SLC35A1: variants seen among roughly 807,000 people sequenced by gnomAD.
SLC35A1 encodes the protein CMP-sialic acid transporter.
In SLC35A1, 21 loss-of-function variants were observed where a neutral mutation model predicts 40.3. That is an observed-to-expected ratio of 0.52 (90% confidence interval 0.37 to 0.75). The LOEUF is 0.75. Among genes scored for constraint, SLC35A1 ranks in the 30% least tolerant of loss-of-function variants. The pLI, the probability that SLC35A1 is intolerant of heterozygous loss-of-function variation, is 0.00. For synonymous variants in SLC35A1, 146 were observed against 147.3 expected (o/e 0.99, Z 0.06); for missense variants, 297 against 382.1 (o/e 0.78, Z 1.86).
At chr6:87,492,963 A>G (rs2127970166) in intron 2 of SLC35A1, among the ~76,000 whole-genome samples, 1 of 152,214 alleles carries the variant, frequency 6.6e-6, no homozygotes, top group South Asian at 2.1e-4. Flanking sequence ...AGACGAGATA[A>G]ATATTCTCTT....
intron 2 of SLC35A1, among the ~76,000 whole-genome samples, chr6:87,492,541 CTTGATT>C (rs1474337126): frequency 7.7e-6 from 1 of 129,064 alleles, no homozygotes; most frequent in African/African-American, 3.0e-5. Context: ...GGTAATTTAT[CTTGATT>C]TTTTTTTTTT....
chr6:87,492,269 G>A (rs1769576126), intron 2 of SLC35A1, among the ~76,000 whole-genome samples: 1 of 151,936 alleles, frequency 6.6e-6, no homozygotes, highest in Admixed American at 6.6e-5. Context: ...ATTTTTCTTG[G>A]ACTTCAGTCC....
chr6:87,501,432 C>A (rs1273700465), intron 4 of SLC35A1, 122 bp downstream of exon 4: 1 of 1,050,722 alleles, frequency 9.5e-7, no homozygotes, highest in Non-Finnish European at 1.4e-6. Flanking sequence ...ATAACTTTTG[C>A]CTTATAGATA....
intron 1 of SLC35A1, among the ~76,000 whole-genome samples, chr6:87,476,664 G>T (rs570883311): frequency 2.0e-5 from 3 of 152,106 alleles, no homozygotes; most frequent in Admixed American, 2.0e-4. Flanking sequence ...GGTGGAGTTT[G>T]CAGTGAGCCG....
In SLC35A1 at chr6:87,511,450, A is replaced by G. The variant is rs930007846; in HGVS notation, c.938A>G (p.Tyr313Cys). The change falls in exon 8 of 8, where the codon TAT becomes TGT. Residue 313 changes from tyrosine (Y) to cysteine (C), a missense_variant. By Grantham distance (194) the Tyr-to-Cys change is radical. Coordinates refer to ENST00000369552, the MANE Select transcript of SLC35A1 (RefSeq NM_006416.5). ...CTTGTATGTGTTTCCATATATCTCT[A>G]TGGATTACCCAGACAAGACACTACA... Reference protein sequence around the residue: ...TLLVCVSIYLYGLPRQDTTSI... With the variant: ...TLLVCVSIYLCGLPRQDTTSI... 5 of 1,613,016 alleles carry G rather than the reference A, an allele frequency of 3.1e-6. No homozygotes were observed. The highest frequency in any genetic ancestry group is 3.4e-6 in the Non-Finnish European group (4 of 1,179,590).
In SLC35A1 at chr6:87,484,219, C is replaced by T. The variant is rs1434888642; in HGVS notation, c.194+6680C>T. The stretch of plus-strand genomic sequence containing the variant: ...CTGGGCGGGTCCTGATTTCTCACCC[C>T]TGAGGACGCCACAAGGGGGCGGGGT... On this transcript the variant is annotated intron_variant, in intron 2 of 7. Coordinates refer to ENST00000369552, the MANE Select transcript of SLC35A1 (RefSeq NM_006416.5). 2.0e-5 allele frequency among the ~76,000 whole-genome samples: 3 copies of T among 152,148 alleles called. No homozygotes were observed. The South Asian group carries it at 6.2e-4, about 32-fold the overall frequency.
intron 2 of SLC35A1, among the ~76,000 whole-genome samples, chr6:87,479,938 T>C (rs980877810): frequency 2.0e-5 from 3 of 152,246 alleles, no homozygotes; most frequent in African/African-American, 7.2e-5. Flanking sequence ...CACTTTATGA[T>C]GTCTTATTTT....
intron 4 of SLC35A1, among the ~76,000 whole-genome samples, chr6:87,501,636 C>T (rs901262363): frequency 6.6e-6 from 1 of 152,120 alleles, no homozygotes; most frequent in East Asian, 1.9e-4. Context: ...TAACTTGTGA[C>T]CACAACTGTG....
At chr6:87,500,907 C>A (rs1769902092) in intron 3 of SLC35A1, among the ~76,000 whole-genome samples, 1 of 152,000 alleles carries the variant, frequency 6.6e-6, no homozygotes, top group Non-Finnish European at 1.5e-5. Context: ...GCCACCACAC[C>A]CAGCTAATTT....
At chr6:87,479,675 CCATCTGGCA>C (rs1355811976) in intron 2 of SLC35A1, among the ~76,000 whole-genome samples, 4 of 152,232 alleles carry the variant, frequency 2.6e-5, no homozygotes, top group African/African-American at 7.2e-5. Context: ...TTTTCCCAAG[CCATCTGGCA>C]GTTAGTCCCT....
intron 4 of SLC35A1, among the ~76,000 whole-genome samples, chr6:87,502,133 A>G (rs62419377): frequency 0.032 from 4,872 of 152,196 alleles, 107 homozygotes; most frequent in Middle Eastern, 0.054. Context: ...TCCTTCCCCA[A>G]TTAAAACCCT....
intron 1 of SLC35A1, among the ~76,000 whole-genome samples, chr6:87,476,450 C>T (rs1401903299): frequency 6.6e-6 from 1 of 152,108 alleles, no homozygotes; most frequent in Admixed American, 6.6e-5. Context: ...TGGGGCCAGG[C>T]GTGGTGGCTA....
At chr6:87,495,143 A>G (rs1318867290) in intron 2 of SLC35A1, among the ~76,000 whole-genome samples, 1 of 152,054 alleles carries the variant, frequency 6.6e-6, no homozygotes, top group Non-Finnish European at 1.5e-5. Flanking sequence ...CTAATTTTGT[A>G]GACATGGGGT....
At chr6:87,486,957 A>T (rs1260703475) in intron 2 of SLC35A1, among the ~76,000 whole-genome samples, 2 of 152,038 alleles carry the variant, frequency 1.3e-5, no homozygotes. Context: ...CAGGTGGATC[A>T]CTTGAGGTCA....
intron 2 of SLC35A1, among the ~76,000 whole-genome samples, chr6:87,490,780 GC>G (rs1477180231): frequency 1.3e-5 from 2 of 152,130 alleles, no homozygotes; most frequent in Non-Finnish European, 2.9e-5. Flanking sequence ...AAAGAATAAT[GC>G]CCCCTTTTGG....
At chr6:87,484,671 G>A (rs778287834) in intron 2 of SLC35A1, among the ~76,000 whole-genome samples, 6 of 124,838 alleles carry the variant, frequency 4.8e-5, no homozygotes, top group African/African-American at 6.5e-5. Context: ...ATGAATCAGG[G>A]TGGAGCAGGT....
At chr6:87,506,587 T>C in intron 5 of SLC35A1, 139 bp downstream of exon 5, 1 of 750,340 alleles carries the variant, frequency 1.3e-6, no homozygotes. Flanking sequence ...TAGTTTTATG[T>C]CAGCTGTTTT....
intron 2 of SLC35A1, among the ~76,000 whole-genome samples, chr6:87,498,651 G>A (rs941717640): frequency 1.3e-5 from 2 of 152,024 alleles, no homozygotes; most frequent in African/African-American, 4.8e-5. Flanking sequence ...TGTGCATGTA[G>A]TCCCAGCTAC....
intron 1 of SLC35A1, among the ~76,000 whole-genome samples, chr6:87,474,994 A>G (rs1769025353): frequency 6.6e-6 from 1 of 152,230 alleles, no homozygotes; most frequent in African/African-American, 2.4e-5. Context: ...AGTAGCTAAA[A>G]TAAAGTACTT....
Sources: gnomAD v4.1 joint callset for allele counts (sites outside exome capture counted in the v4.1 genomes callset) on GRCh38, gnomAD v4.1.1 for gene constraint, MANE v1.5 for transcripts, NCBI Gene and HGNC (gene_info 2026-07-23, HGNC 2026-07-21) for gene names.